CSMD1: variants seen among roughly 807,000 people sequenced by gnomAD.
CSMD1 encodes CUB and sushi domain-containing protein 1.
A neutral mutation model predicts 417.5 loss-of-function variants in CSMD1; 213 were observed. The observed-to-expected ratio is 0.51, with a 90% CI of 0.46 to 0.57. CSMD1 has a LOEUF of 0.57. Among genes scored for constraint, CSMD1 ranks in the 20% least tolerant of loss-of-function variants. CSMD1 has a pLI of 0.00. For synonymous variants in CSMD1, 2,862 were observed against 1,736.8 expected, an observed-to-expected ratio of 1.65 and a Z score of -16.11; for missense variants, 6,923 against 4,529.7, an observed-to-expected ratio of 1.53 and a Z score of -15.17.
At chr8:3,300,944 G>C (rs530705730) in intron 25 of CSMD1, among the ~76,000 whole-genome samples, 1 of 111,698 alleles carries the variant, frequency 9.0e-6, no homozygotes, top group African/African-American at 3.4e-5. Context: ...GGACAACAGA[G>C]TGAGACTCTG....
intron 3 of CSMD1, among the ~76,000 whole-genome samples, chr8:4,319,648 G>A (rs1799151850): frequency 6.6e-6 from 1 of 152,116 alleles, no homozygotes; most frequent in African/African-American, 2.4e-5. Flanking sequence ...CCAGTTCACT[G>A]CCTGGAAAGA....
intron 26 of CSMD1, among the ~76,000 whole-genome samples, chr8:3,267,748 C>G (rs1801537604): frequency 1.3e-5 from 2 of 152,170 alleles, no homozygotes; most frequent in Admixed American, 1.3e-4. Flanking sequence ...GGGCACACTA[C>G]ATGCCTCCCA....
At chr8:4,082,864 G>A (rs560880048) in intron 3 of CSMD1, among the ~76,000 whole-genome samples, 153 of 148,372 alleles carry the variant, frequency 1.0e-3, no homozygotes, top group Non-Finnish European at 1.6e-3. Flanking sequence ...AACATGCGGT[G>A]TTTGGTTTTT....
At chr8:4,435,388 T>C (rs969220483) in intron 2 of CSMD1, among the ~76,000 whole-genome samples, 7 of 152,194 alleles carry the variant, frequency 4.6e-5, no homozygotes, top group African/African-American at 1.7e-4. Flanking sequence ...GTTCCTGCAG[T>C]GTGATATCAC....
intron 1 of CSMD1, among the ~76,000 whole-genome samples, chr8:4,960,557 T>A (rs1197257185): frequency 6.6e-6 from 1 of 152,160 alleles, no homozygotes; most frequent in Non-Finnish European, 1.5e-5. Flanking sequence ...TGTTAAAAAG[T>A]ATCCTGCAAT....
chr8:4,650,791 A>G (rs1468914027), intron 1 of CSMD1, among the ~76,000 whole-genome samples: 2 of 152,156 alleles, frequency 1.3e-5, no homozygotes, highest in African/African-American at 4.8e-5. Flanking sequence ...TCTAGATTCT[A>G]TTCTTCTTTA....
At position 3,818,935 on chromosome 8, in the gene CSMD1, C is replaced by T. The variant is rs1017553984; in HGVS notation, c.819-64893G>A. Among the ~76,000 whole-genome samples, 3 of 152,198 alleles carry T rather than the reference C, an allele frequency of 2.0e-5. No individual in the cohort carries two copies. The East Asian group carries it at 5.8e-4, about 29-fold the overall frequency. On this transcript the variant is annotated intron_variant, in intron 5 of 69. Coordinates refer to ENST00000635120, the MANE Select transcript of CSMD1 (RefSeq NM_033225.6). ...ACATGCCCACACTCACTCACACTCA[C>T]ACCCTTCTTCTAAGGGGTTTGGTAG...
At chr8:3,489,944 G>C (rs1200458044) in intron 11 of CSMD1, among the ~76,000 whole-genome samples, 1 of 152,164 alleles carries the variant, frequency 6.6e-6, no homozygotes, top group Non-Finnish European at 1.5e-5. Context: ...GTGATCCTCT[G>C]ACTTCGTATA....
At position 4,340,302 on chromosome 8, in the gene CSMD1, G is replaced by C. The variant is rs762618396; in HGVS notation, c.415+79651C>G. Among the ~76,000 whole-genome samples, 5 of 151,990 alleles carry C rather than the reference G, an allele frequency of 3.3e-5. No homozygotes were observed. The East Asian group carries it at 5.8e-4, about 18-fold the overall frequency. On this transcript the variant is annotated intron_variant, in intron 3 of 69. Coordinates refer to ENST00000635120, the MANE Select transcript of CSMD1 (RefSeq NM_033225.6). ...GAGACTAGTCATCTGTGTTTGCAAG[G>C]CATCTCCATCCAAACCCTTACATTG...
intron 1 of CSMD1, among the ~76,000 whole-genome samples, chr8:4,666,247 G>C (rs764263878): frequency 1.8e-4 from 28 of 152,160 alleles, no homozygotes; most frequent in Non-Finnish European, 3.1e-4. Context: ...GGGAATCAAG[G>C]TAACAGATGG....
rs1012345053 is a variant in CSMD1 at position 3,296,836 on chromosome 8, G to C, written c.3950+10859C>G. On this transcript the variant is annotated intron_variant, in intron 25 of 69. Transcript: ENST00000635120. ...TGTTTATGGGATGGGGAAAATCAGAGTTTCTGTCTTGGACCTGTTGAGTTT... is the reference window on the plus strand; with the variant it reads ...TGTTTATGGGATGGGGAAAATCAGACTTTCTGTCTTGGACCTGTTGAGTTT... Among the ~76,000 whole-genome samples the C allele has an allele frequency of 7.2e-5, 11 of 152,290 alleles. No individual in the cohort carries two copies. The South Asian group carries it at 1.0e-3, about 14-fold the overall frequency.
chr8:3,703,544 G>A (rs562161761), intron 7 of CSMD1, among the ~76,000 whole-genome samples: 78 of 152,068 alleles, frequency 5.1e-4, no homozygotes, highest in Non-Finnish European at 9.6e-4. Flanking sequence ...TATGGTGTGT[G>A]ATCTGTGGGT....
chr8:3,054,547 G>C (rs1812084568), intron 49 of CSMD1, among the ~76,000 whole-genome samples: 1 of 152,212 alleles, frequency 6.6e-6, no homozygotes, highest in African/African-American at 2.4e-5. Context: ...AAGCCCAGGA[G>C]ACAGAGGTTG....
chr8:3,482,551 G>C (rs1379132083), intron 11 of CSMD1, among the ~76,000 whole-genome samples: 1 of 152,126 alleles, frequency 6.6e-6, no homozygotes, highest in Non-Finnish European at 1.5e-5. Flanking sequence ...GAGAAAAATA[G>C]CAACCTCCAC....
intron 12 of CSMD1, among the ~76,000 whole-genome samples, chr8:3,436,631 G>C (rs1365564046): frequency 6.6e-6 from 1 of 151,948 alleles, no homozygotes; most frequent in Non-Finnish European, 1.5e-5. Context: ...CACCAACATA[G>C]TGATTACATG....
At chr8:3,860,328 C>G (rs2930352) in intron 5 of CSMD1, among the ~76,000 whole-genome samples, 32,334 of 152,022 alleles carry the variant, frequency 0.21, 3,653 homozygotes, top group East Asian at 0.4. Flanking sequence ...AATTTCAACA[C>G]AGCCAGCAAG....
intron 2 of CSMD1, among the ~76,000 whole-genome samples, chr8:4,549,783 G>A (rs189294527): frequency 6.6e-6 from 1 of 150,942 alleles, no homozygotes. Context: ...TGTAATCCTA[G>A]CTACTTGGGA....
chr8:3,961,188 G>T (rs868070148), intron 5 of CSMD1, among the ~76,000 whole-genome samples: 5 of 152,062 alleles, frequency 3.3e-5, no homozygotes, highest in Admixed American at 1.3e-4. Flanking sequence ...CTGCCTATAA[G>T]CATGAAAGTC....
chr8:3,045,605 C>A (rs151119225), intron 50 of CSMD1, among the ~76,000 whole-genome samples: 70 of 152,262 alleles, frequency 4.6e-4, no homozygotes, highest in African/African-American at 1.5e-3. Context: ...TAATACTTCT[C>A]AGAATAAACC....
Sources: gnomAD v4.1 joint callset for allele counts (sites outside exome capture counted in the v4.1 genomes callset) on GRCh38, gnomAD v4.1.1 for gene constraint, MANE v1.5 for transcripts, NCBI Gene and HGNC (gene_info 2026-07-23, HGNC 2026-07-21) for gene names.